Variants in ABCG5 observed in about 807,000 individuals in gnomAD.
ABCG5 encodes ATP binding cassette subfamily G member 5.
ABCG5 carries 64 observed loss-of-function variants against 64.5 expected under a neutral mutation model. That is an observed-to-expected ratio of 0.99 (90% CI 0.81 to 1.22). The LOEUF is 1.22. Among genes scored for constraint, ABCG5 ranks in the 50% most tolerant of loss-of-function variants. The pLI is 0.00. For synonymous variants in ABCG5, 385 were observed against 326.3 expected, an observed-to-expected ratio of 1.18 and a Z score of -1.94; for missense variants, 908 against 829.5, an observed-to-expected ratio of 1.09 and a Z score of -1.16.
chr2:43,830,431 A>C (rs3923912), intron 4 of ABCG5, among the ~76,000 whole-genome samples: 11,161 of 152,304 alleles, frequency 0.073, 518 homozygotes, highest in African/African-American at 0.1. Flanking sequence ...GCCAGGATTG[A>C]GAGGACTCTC....
chr2:43,820,911 C>A (rs1667153222), intron 10 of ABCG5, among the ~76,000 whole-genome samples: 1 of 152,148 alleles, frequency 6.6e-6, no homozygotes, highest in Non-Finnish European at 1.5e-5. Flanking sequence ...ATCTCAGCCT[C>A]CCAAAGTGCT....
chr2:43,826,268 G>C, intron 6 of ABCG5, 114 bp downstream of exon 6: 2 of 1,517,876 alleles, frequency 1.3e-6, no homozygotes, highest in South Asian at 1.2e-5. Flanking sequence ...CCAAAGTGCT[G>C]GAATTACAAG....
intron 10 of ABCG5, 162 bp downstream of exon 10, chr2:43,822,635 A>C (rs1261044462): frequency 3.2e-5 from 31 of 983,970 alleles, no homozygotes; most frequent in Non-Finnish European, 3.7e-5. Context: ...ATTTACAATA[A>C]AATTAATGTC....
Position 43,819,920 on chromosome 2 carries a change from G to A in ABCG5, c.1644C>T (p.Phe548=), listed in dbSNP as rs1210392945. 4.3e-6 allele frequency: 7 copies of A among 1,613,858 alleles called. No individual in the cohort carries two copies. Among genetic ancestry groups the A allele is most frequent in the Non-Finnish European group, 5.9e-6 (7 of 1,180,022 alleles). ...TTTGAATTATGATATCTTACCTGAG[G>A]AATCCAGATCCAACAAGCACCCCCG... ...SIAGVLVGSG[F]LRNIQEMPIP... The change falls in exon 11 of 13, where the codon TTC becomes TTT. Residue 548 remains phenylalanine (F), a synonymous_variant. Transcript: ENST00000405322.
rs1488067284 is a variant in ABCG5 at position 43,838,768 on chromosome 2, C to T, written c.-89G>A. ...GTTGGGGAGCCCGTGGCAGACTGCC[C>T]TGCCTGCTCCACCTGACCCCGGAGT... On this transcript the variant is annotated 5_prime_UTR_variant, in exon 1 of 13. Coordinates refer to ENST00000405322, the MANE Select transcript of ABCG5 (RefSeq NM_022436.3). This position sits in a 1 kb window ranked among gnomAD's most constrained non-coding sequence, Gnocchi z 4.2. 6.4e-7 allele frequency: 1 copy of T among 1,566,844 alleles called. No individual in the cohort carries two copies. The highest frequency in any genetic ancestry group is 8.6e-7 in the Non-Finnish European group (1 of 1,157,064).
intron 10 of ABCG5, 111 bp downstream of exon 10, chr2:43,822,686 T>C: frequency 6.3e-7 from 1 of 1,575,114 alleles, no homozygotes; most frequent in Non-Finnish European, 8.6e-7. Flanking sequence ...ATGGGCAAAG[T>C]GTAGATCCTC....
At chr2:43,818,180 G>A (rs1042975364) in intron 11 of ABCG5, among the ~76,000 whole-genome samples, 6 of 152,232 alleles carry the variant, frequency 3.9e-5, no homozygotes, top group East Asian at 1.9e-4. Flanking sequence ...GGTTGGCTGC[G>A]GTGGCTCACA....
chr2:43,819,615 A>G (rs1288989046), intron 11 of ABCG5, among the ~76,000 whole-genome samples: 2 of 152,066 alleles, frequency 1.3e-5, no homozygotes, highest in East Asian at 3.9e-4. Context: ...GTGGGCTGTG[A>G]GTTTTTCCTG....
chr2:43,831,296 C>T (rs191326555), intron 4 of ABCG5, among the ~76,000 whole-genome samples: 1 of 152,268 alleles, frequency 6.6e-6, no homozygotes, highest in Admixed American at 6.5e-5. Flanking sequence ...CCTCAGCCTC[C>T]TTAGCAGCTG....
chr2:43,830,935 A>G (rs1172242122), intron 4 of ABCG5, among the ~76,000 whole-genome samples: 1 of 152,228 alleles, frequency 6.6e-6, no homozygotes, highest in African/African-American at 2.4e-5. Context: ...GGCACATTCA[A>G]GATGCCTCCA....
chr2:43,820,138 G>T (rs377138764), intron 10 of ABCG5, 38 bp from the exon 11 acceptor site: 2 of 1,593,628 alleles, frequency 1.3e-6, no homozygotes, highest in Non-Finnish European at 1.7e-6. Context: ...CTCTCCAAGG[G>T]CTATCATTTA....
chr2:43,810,567 C>T (rs1218237130), downstream of ABCG5: 2 of 954,846 alleles, frequency 2.1e-6, no homozygotes, highest in Middle Eastern at 5.4e-4. Flanking sequence ...ATTCTATGTT[C>T]TTCCATGTCC....
intron 7 of ABCG5, 56 bp from the exon 8 acceptor site, chr2:43,824,488 A>G (rs1329523364): frequency 7.5e-6 from 12 of 1,604,166 alleles, no homozygotes; most frequent in South Asian, 4.4e-5. Context: ...ATGTATGTAC[A>G]TGGATATACA....
At position 43,831,878 on chromosome 2, in the gene ABCG5, C is replaced by A. The variant is rs1373964916; in HGVS notation, c.403-11G>T. 2.6e-6 allele frequency: 4 copies of A among 1,561,852 alleles called. No individual in the cohort carries two copies. Among genetic ancestry groups the A allele is most frequent in the Non-Finnish European group, 3.5e-6 (4 of 1,154,376 alleles). ...CAGCAGGGTGTCGCTCTGCAGGAGA[C>A]TCGGGCGTCAGTGTAGCCTAAGCCC... On this transcript the variant is annotated splice_polypyrimidine_tract_variant and intron_variant, in intron 3 of 12. Coordinates refer to ENST00000405322, the MANE Select transcript of ABCG5 (RefSeq NM_022436.3).
chr2:43,838,276 G>C lies in ABCG5; in HGVS notation c.143+261C>G, dbSNP rs1486873464. ...CCCCCATTCCCATCCACAGAGGGCA[G>C]GCCGTAGACACTGGGTTGGCAGGGC... On this transcript the variant is annotated intron_variant, in intron 1 of 12. Coordinates refer to ENST00000405322, the MANE Select transcript of ABCG5 (RefSeq NM_022436.3). This position sits in a 1 kb window ranked among gnomAD's most constrained non-coding sequence, Gnocchi z 4.2. The C allele has an allele frequency of 3.0e-5, 18 of 596,982 alleles. No individual in the cohort carries two copies. The highest frequency in any genetic ancestry group is 2.7e-5 in the Non-Finnish European group (9 of 337,120). 37.0% of individuals were successfully genotyped at this position (596,982 alleles called of 1,614,324 possible).
At position 43,838,254 on chromosome 2, in the gene ABCG5, C is replaced by T; in HGVS notation, c.143+283G>A. 1 of 594,936 alleles carries T rather than the reference C, an allele frequency of 1.7e-6. No individual in the cohort carries two copies. The highest frequency in any genetic ancestry group is 3.0e-6 in the Non-Finnish European group (1 of 335,916). 36.9% of individuals were successfully genotyped at this position (594,936 alleles called of 1,614,324 possible). A position where few individuals can be genotyped will look rare whatever the true frequency, so the allele number is the denominator to read the frequency against. On this transcript the variant is annotated intron_variant, in intron 1 of 12. Transcript: ENST00000405322. This position sits in a 1 kb window ranked among gnomAD's most constrained non-coding sequence, Gnocchi z 4.2. Reference sequence around the variant, plus strand: ...AAGACTCCTTGCATTCGCAGTACCCCCATTCCCATCCACAGAGGGCAGGCC... The same window carrying T: ...AAGACTCCTTGCATTCGCAGTACCCTCATTCCCATCCACAGAGGGCAGGCC...
intron 6 of ABCG5, among the ~76,000 whole-genome samples, chr2:43,825,694 C>A (rs7596134): frequency 0.35 from 53,632 of 151,740 alleles, 10,836 homozygotes; most frequent in East Asian, 0.82. Context: ...CTCTCTGCAA[C>A]CTCCTGGGTT....
chr2:43,826,500 G>C lies in ABCG5; in HGVS notation c.656C>G (p.Pro219Arg), dbSNP rs1487073918. 3.1e-6 allele frequency: 5 copies of C among 1,614,086 alleles called. No individual in the cohort carries two copies. The highest frequency in any genetic ancestry group is 3.4e-6 in the Non-Finnish European group (4 of 1,180,052). ...QDPKVMLFDEPTTGLDCMTAN... is the reference protein window; with the variant it reads ...QDPKVMLFDERTTGLDCMTAN... The stretch of plus-strand genomic sequence containing the variant: ...AGTCATGCAGTCCAGGCCTGTGGTT[G>C]GCTCATCAAACAGCATGACCTCTGC... Residue 219 changes from proline to arginine, a missense_variant, in exon 6 of 13, where the codon CCA (proline) becomes CGA (arginine). Coordinates refer to ENST00000405322, the MANE Select transcript of ABCG5 (RefSeq NM_022436.3).
downstream of ABCG5, among the ~76,000 whole-genome samples, chr2:43,808,129 A>C (rs966672557): frequency 4.6e-5 from 7 of 152,222 alleles, no homozygotes; most frequent in African/African-American, 1.7e-4. Flanking sequence ...TTTATGAGTT[A>C]ATCTTTAAAA....
Sources: allele counts gnomAD v4.1 joint callset (sites outside exome capture counted in the v4.1 genomes callset), GRCh38; gene constraint gnomAD v4.1.1; non-coding constraint Gnocchi (gnomAD v3.1); transcripts MANE v1.5; gene names NCBI Gene and HGNC (gene_info 2026-07-23, HGNC 2026-07-21).